Variants in PSMD14 observed in about 807,000 individuals in gnomAD.
PSMD14 encodes the protein proteasome 26S subunit, non-ATPase 14.
PSMD14 carries 7 observed loss-of-function variants against 41.2 expected under a neutral mutation model. The observed-to-expected ratio is 0.17, with a 90% CI of 0.10 to 0.32. The LOEUF (loss-of-function observed/expected upper bound fraction) is 0.32. PSMD14 is among the 10% of genes least tolerant of loss of function. PSMD14 has a pLI of 1.00. For synonymous variants in PSMD14, 114 were observed against 122.3 expected, an observed-to-expected ratio of 0.93 and a Z score of 0.45; for missense variants, 139 against 375.6, an observed-to-expected ratio of 0.37 and a Z score of 5.21.
In PSMD14 at chr2:161,370,172, A is replaced by G; in HGVS notation, c.306A>G (p.Thr102=). The G allele has an allele frequency of 6.4e-7, 1 of 1,574,720 alleles. No homozygotes were observed. Among genetic ancestry groups the G allele is most frequent in the South Asian group, 1.2e-5 (1 of 85,592 alleles). The change falls in exon 6 of 12, where the codon ACA becomes ACG. Residue 102 remains threonine, a synonymous_variant. Transcript: ENST00000409682. ...AAATGTTGGATATGTTGAAGCAGAC[A>G]GGAAGGTAAGCATTTTAAATGATCA... is the stretch of plus-strand genomic sequence containing the variant. ...QAKMLDMLKQ[T]GRPEMVVGWY...
chr2:161,322,439 G>C (rs1355586431), intron 3 of PSMD14, among the ~76,000 whole-genome samples: 1 of 152,080 alleles, frequency 6.6e-6, no homozygotes, highest in African/African-American at 2.4e-5. Context: ...GCCCAGTCTG[G>C]AGTACAGTGG....
At chr2:161,319,663 C>A (rs879191058) in intron 3 of PSMD14, among the ~76,000 whole-genome samples, 1 of 152,052 alleles carries the variant, frequency 6.6e-6, no homozygotes. Context: ...TTTTTATAGT[C>A]CCTTTTAAAA....
At chr2:161,407,011 G>A (rs1387477160) in intron 10 of PSMD14, among the ~76,000 whole-genome samples, 1 of 151,954 alleles carries the variant, frequency 6.6e-6, no homozygotes, top group East Asian at 1.9e-4. Context: ...ACATGGATTG[G>A]TATTTTGAGC....
chr2:161,327,322 G>T (rs1181697987), intron 3 of PSMD14, among the ~76,000 whole-genome samples: 1 of 152,122 alleles, frequency 6.6e-6, no homozygotes, highest in East Asian at 1.9e-4. Flanking sequence ...GTGCGACAGT[G>T]TTAATGTGCC....
chr2:161,341,368 G>T, intron 3 of PSMD14: 1 of 950,938 alleles, frequency 1.1e-6, no homozygotes, highest in Non-Finnish European at 1.3e-6. Context: ...CGACCCCGAG[G>T]GATCCCGCCG....
At chr2:161,322,258 G>A (rs563697483) in intron 3 of PSMD14, among the ~76,000 whole-genome samples, 1 of 152,226 alleles carries the variant, frequency 6.6e-6, no homozygotes, top group Non-Finnish European at 1.5e-5. Context: ...AATTTTTCTT[G>A]TACTATGATA....
chr2:161,342,393 G>A (rs930115973), intron 3 of PSMD14, among the ~76,000 whole-genome samples: 1 of 151,688 alleles, frequency 6.6e-6, no homozygotes, highest in Non-Finnish European at 1.5e-5. Context: ...TGCATGTATC[G>A]AGATGATTAT....
chr2:161,367,625 C>T, intron 4 of PSMD14, 76 bp downstream of exon 4: 2 of 1,435,158 alleles, frequency 1.4e-6, no homozygotes, highest in Non-Finnish European at 1.9e-6. Context: ...GAATATTTGT[C>T]ACCTTAATCC....
intron 7 of PSMD14, among the ~76,000 whole-genome samples, chr2:161,375,772 C>T (rs1465467086): frequency 6.6e-6 from 1 of 151,894 alleles, no homozygotes; most frequent in Non-Finnish European, 1.5e-5. Flanking sequence ...GTCTTCACAT[C>T]TGTAATCCCA....
chr2:161,395,677 G>A (rs936363659), intron 10 of PSMD14, among the ~76,000 whole-genome samples: 1 of 152,030 alleles, frequency 6.6e-6, no homozygotes, highest in Admixed American at 6.6e-5. Flanking sequence ...TATCATACAT[G>A]TATACATATA....
At chr2:161,322,938 G>A (rs1344828545) in intron 3 of PSMD14, among the ~76,000 whole-genome samples, 2 of 152,018 alleles carry the variant, frequency 1.3e-5, no homozygotes, top group Non-Finnish European at 2.9e-5. Context: ...TTCCTTCCTT[G>A]TTCTTGGATC....
chr2:161,312,788 A>C (rs1438812696), intron 1 of PSMD14, among the ~76,000 whole-genome samples: 1 of 152,172 alleles, frequency 6.6e-6, no homozygotes, highest in African/African-American at 2.4e-5. Context: ...GTTCCCTTTT[A>C]TGTTAAGTAT....
chr2:161,311,778 C>G (rs531616922), intron 1 of PSMD14, among the ~76,000 whole-genome samples: 8 of 151,936 alleles, frequency 5.3e-5, no homozygotes, highest in Non-Finnish European at 1.2e-4. Flanking sequence ...TCACGCCCGG[C>G]TAGTTTTTAT....
chr2:161,323,058 C>T (rs772135806), intron 3 of PSMD14, among the ~76,000 whole-genome samples: 1 of 152,134 alleles, frequency 6.6e-6, no homozygotes, highest in Non-Finnish European at 1.5e-5. Context: ...TGCCATTAAA[C>T]CTTTTCTTCT....
chr2:161,365,354 C>G (rs1683344610), intron 3 of PSMD14, among the ~76,000 whole-genome samples: 1 of 152,064 alleles, frequency 6.6e-6, no homozygotes. Flanking sequence ...TTCATTCTTT[C>G]AATCAGTACT....
At chr2:161,399,095 T>G (rs775193791) in intron 10 of PSMD14, among the ~76,000 whole-genome samples, 1 of 152,056 alleles carries the variant, frequency 6.6e-6, no homozygotes, top group Non-Finnish European at 1.5e-5. Flanking sequence ...TATTCAGGAA[T>G]TAACCATCAC....
chr2:161,367,951 A>G, intron 5 of PSMD14, 48 bp downstream of exon 5: 1 of 1,563,986 alleles, frequency 6.4e-7, no homozygotes, highest in Non-Finnish European at 8.7e-7. Context: ...GTTTCTTTTC[A>G]TTTTTCTTTT....
At chr2:161,373,454 T>A (rs1418432579) in intron 7 of PSMD14, among the ~76,000 whole-genome samples, 1 of 151,918 alleles carries the variant, frequency 6.6e-6, no homozygotes, top group Admixed American at 6.6e-5. Flanking sequence ...TGATTGTAAT[T>A]TATGGTTCTT....
chr2:161,394,687 C>T (rs192529123), intron 9 of PSMD14, among the ~76,000 whole-genome samples: 4 of 152,208 alleles, frequency 2.6e-5, no homozygotes, highest in South Asian at 2.1e-4. Context: ...AACAAGTAAA[C>T]AAAAATTTCA....
Sources: gnomAD v4.1 joint callset for allele counts (sites outside exome capture counted in the v4.1 genomes callset) on GRCh38, gnomAD v4.1.1 for gene constraint, MANE v1.5 for transcripts, NCBI Gene and HGNC (gene_info 2026-07-23, HGNC 2026-07-21) for gene names.